The following PLBD2 variants were observed in gnomAD, a reference collection of about 807,000 sequenced individuals.
PLBD2 encodes putative aminopeptidase PLBD2.
In PLBD2, 51 loss-of-function variants were observed where a neutral mutation model predicts 68.3. That is an observed-to-expected ratio of 0.75 (90% CI 0.60 to 0.94). The LOEUF (loss-of-function observed/expected upper bound fraction) is 0.94, where lower values mean the gene tolerates loss of function less well. PLBD2 is among the 40% of genes least tolerant of loss of function. The pLI is 0.00. For missense variants in PLBD2, 729 were observed against 792.2 expected, an observed-to-expected ratio of 0.92 and a Z score of 0.96; for synonymous variants, 314 against 339.3, an observed-to-expected ratio of 0.93 and a Z score of 0.82.
chr12:113,362,725 G>C (rs1957306406), intron 1 of PLBD2, among the ~76,000 whole-genome samples: 2 of 151,714 alleles, frequency 1.3e-5, no homozygotes, highest in Admixed American at 1.3e-4. Context: ...TAAAAGATTG[G>C]CAATTTTAGA....
chr12:113,363,002 G>A (rs534225284), intron 1 of PLBD2, among the ~76,000 whole-genome samples: 1 of 151,054 alleles, frequency 6.6e-6, no homozygotes, highest in African/African-American at 2.4e-5. Context: ...CACCATGTTG[G>A]CCAGGCTGGT....
chr12:113,366,509 C>G (rs1030317609), intron 1 of PLBD2, among the ~76,000 whole-genome samples: 1 of 150,882 alleles, frequency 6.6e-6, no homozygotes, highest in African/African-American at 2.4e-5. Context: ...GAGGGTCATG[C>G]TCTGTCATCC....
chr12:113,361,393 G>A (rs1474057649), intron 1 of PLBD2, among the ~76,000 whole-genome samples: 1 of 139,384 alleles, frequency 7.2e-6, no homozygotes, highest in African/African-American at 2.7e-5. Context: ...AGGCTCGAGT[G>A]CAGTGGTATG....
rs750215599 is a variant in PLBD2 at position 113,369,195 on chromosome 12, G to A, written c.370G>A (p.Ala124Thr). ...CTATGCAGCCGGTGTGGTGGAGGCT[G>A]CTGTGTCGGAGGAGGTAAGGGCCAA... ...QAYAAGVVEA[A>T]VSEELIYMHW... Residue 124 changes from alanine to threonine, a missense_variant, in exon 2 of 12, where the codon GCT (alanine) becomes ACT (threonine). By Grantham distance (58) the Ala-to-Thr change is moderately conservative. Coordinates refer to ENST00000280800, the MANE Select transcript of PLBD2 (RefSeq NM_173542.4). 1.7e-5 allele frequency: 27 copies of A among 1,602,826 alleles called. No homozygotes were observed. Among genetic ancestry groups the A allele is most frequent in the Non-Finnish European group, 2.0e-5 (24 of 1,174,828 alleles).
intron 2 of PLBD2, among the ~76,000 whole-genome samples, chr12:113,371,819 T>A (rs987265398): frequency 3.3e-5 from 5 of 152,230 alleles, no homozygotes; most frequent in African/African-American, 1.2e-4. Flanking sequence ...GAGGCACCAT[T>A]CAACCTCAGC....
Position 113,387,058 on chromosome 12 carries a change from C to T in PLBD2, c.1408C>T (p.Gln470Ter), listed in dbSNP as rs1261741780. The change falls in exon 10 of 12, where the codon CAA becomes TAA. Residue 470 changes from glutamine to a stop codon, truncating the protein, a stop_gained. Transcript: ENST00000280800. LOFTEE classifies it high-confidence loss of function. ...QIFRRNQSLVQDMDSMVRLMR... is the reference protein window; with the variant it reads ...QIFRRNQSLV ...CTTCCGGCGGAACCAGTCACTGGTACAAGACATGGACTCCATGGTCAGGCT... is the reference window on the plus strand; with the variant it reads ...CTTCCGGCGGAACCAGTCACTGGTATAAGACATGGACTCCATGGTCAGGCT... 4.4e-6 allele frequency: 7 copies of T among 1,608,358 alleles called. No homozygotes were observed. Among genetic ancestry groups the T allele is most frequent in the Non-Finnish European group, 5.9e-6 (7 of 1,177,732 alleles).
Position 113,391,043 on chromosome 12 carries a change from T to TCC in PLBD2, c.*2417_*2418insCC, listed in dbSNP as rs1957606727. On this transcript the variant is annotated 3_prime_UTR_variant, in exon 12 of 12. Coordinates refer to ENST00000280800, the MANE Select transcript of PLBD2 (RefSeq NM_173542.4). ...ATTCATTCATATCCATCCATCCATC[T>TCC]ATCCATCCAGATGTTTATTGAGCAC... is the stretch of plus-strand genomic sequence containing the variant. 6.6e-6 allele frequency: 1 copy of TCC among 152,270 alleles called. No homozygotes were observed. Among genetic ancestry groups the TCC allele is most frequent in the African/African-American group, 2.4e-5 (1 of 41,462 alleles). 9.4% of individuals were successfully genotyped at this position (152,270 alleles called of 1,614,324 possible).
At position 113,388,558 on chromosome 12, in the gene PLBD2, A is replaced by G; in HGVS notation, c.1702A>G (p.Ser568Gly). 6.2e-7 allele frequency: 1 copy of G among 1,611,288 alleles called. No homozygotes were observed. Among genetic ancestry groups the G allele is most frequent in the Non-Finnish European group, 8.5e-7 (1 of 1,178,558 alleles). The change falls in exon 12 of 12, where the codon AGC becomes GGC. Residue 568 changes from serine to glycine, a missense_variant. Physicochemically the swap from Ser to Gly is moderately conservative, Grantham distance 56. Transcript: ENST00000280800. Reference sequence around the variant, plus strand: ...GTTCCAGTGGAGCACCTCGCCCTTCAGCGGCCTGCTGCACATGGGCCAGCC... The same window carrying G: ...GTTCCAGTGGAGCACCTCGCCCTTCGGCGGCCTGCTGCACATGGGCCAGCC... ...PPFQWSTSPFSGLLHMGQPDL... is the reference protein window; with the variant it reads ...PPFQWSTSPFGGLLHMGQPDL...
chr12:113,384,323 C>G lies in PLBD2; in HGVS notation c.1118+58C>G. The G allele has an allele frequency of 6.4e-7, 1 of 1,550,612 alleles. No individual in the cohort carries two copies. The highest frequency in any genetic ancestry group is 8.7e-7 in the Non-Finnish European group (1 of 1,145,370). ...GCACCAAGAGATAGACCAACCTCCC[C>G]TTTAACACTCACACTCCTGGGGACC... On this transcript the variant is annotated intron_variant, in intron 7 of 11. Coordinates refer to ENST00000280800, the MANE Select transcript of PLBD2 (RefSeq NM_173542.4). The surrounding 1 kb of genome is among the most constrained non-coding windows in gnomAD (Gnocchi z 4.2).
intron 6 of PLBD2, among the ~76,000 whole-genome samples, chr12:113,382,835 T>TTTTTTTTG (rs1335785271): frequency 2.6e-4 from 28 of 106,592 alleles, no homozygotes; most frequent in African/African-American, 8.8e-4. Context: ...TGGTGGTTTT[T>TTTTTTTTG]TGTGTGTGTG....
intron 1 of PLBD2, among the ~76,000 whole-genome samples, chr12:113,365,736 A>G (rs1339025472): frequency 6.6e-6 from 1 of 151,998 alleles, no homozygotes; most frequent in African/African-American, 2.4e-5. Flanking sequence ...GCTGGCCCCA[A>G]AGTACTTTGC....
Position 113,374,868 on chromosome 12 carries a change from C to T in PLBD2, c.720C>T (p.Gly240=). ...LNKTKIKPSL[G]SGSCSALIKL... ...AGACCAAGATCAAACCTTCTCTGGGCTCTGGCTCCTGTTCTGCCCTCATCA... is the reference window on the plus strand; with the variant it reads ...AGACCAAGATCAAACCTTCTCTGGGTTCTGGCTCCTGTTCTGCCCTCATCA... Residue 240 remains glycine, a synonymous_variant, in exon 5 of 12, where the codon GGC becomes GGT. Coordinates refer to ENST00000280800, the MANE Select transcript of PLBD2 (RefSeq NM_173542.4). 6.2e-7 allele frequency: 1 copy of T among 1,613,994 alleles called. No individual in the cohort carries two copies. Among genetic ancestry groups the T allele is most frequent in the Non-Finnish European group, 8.5e-7 (1 of 1,180,038 alleles).
chr12:113,388,646 T>C lies in PLBD2; in HGVS notation c.*20T>C, dbSNP rs1166993265. 3.2e-6 allele frequency: 5 copies of C among 1,544,368 alleles called. No individual in the cohort carries two copies. In the African/African-American group the frequency reaches 5.5e-5, roughly 17 times the overall value. ...GACTGAAGTTCTGTCCCTGCTCTGC[T>C]GCTTTCGCCCCTGCTGACCCTCGTC... is the stretch of plus-strand genomic sequence containing the variant. On this transcript the variant is annotated 3_prime_UTR_variant, in exon 12 of 12. Transcript: ENST00000280800.
chr12:113,373,820 C>G (rs924075085), intron 3 of PLBD2, among the ~76,000 whole-genome samples: 1 of 150,796 alleles, frequency 6.6e-6, no homozygotes, highest in Non-Finnish European at 1.5e-5. Context: ...TTCACACACC[C>G]GTCCATCCAT....
chr12:113,368,978 C>A, intron 1 of PLBD2, 138 bp from the exon 2 acceptor site: 1 of 575,290 alleles, frequency 1.7e-6, no homozygotes, highest in Non-Finnish European at 3.1e-6. Flanking sequence ...ATCCGGCAAG[C>A]TCACAAAGAT....
chr12:113,375,533 C>T (rs1435614388), intron 5 of PLBD2, among the ~76,000 whole-genome samples: 1 of 152,208 alleles, frequency 6.6e-6, no homozygotes, highest in African/African-American at 2.4e-5. Flanking sequence ...TTTAAAACAA[C>T]AACAGCTTAA....
At chr12:113,373,766 C>G (rs955088946) in intron 3 of PLBD2, among the ~76,000 whole-genome samples, 6 of 147,896 alleles carry the variant, frequency 4.1e-5, no homozygotes, top group East Asian at 2.1e-4. Context: ...CATTCGCTCA[C>G]TCACTCATCC....
Position 113,374,564 on chromosome 12 carries a change from T to A in PLBD2, c.634T>A (p.Leu212Met), listed in dbSNP as rs1262066243. ...AGCTGGGAAGTTCACCATCAAACCC[T>A]TGGGGTTCCTGTAAGTGCCACCCCC... ...FPAGKFTIKP[L>M]GFLLLQLSGD... The change falls in exon 4 of 12, where the codon TTG (leucine) becomes ATG (methionine). Residue 212 changes from leucine to methionine, a missense_variant. Physicochemically the swap from Leu to Met is conservative, Grantham distance 15. Transcript: ENST00000280800. 1.3e-6 allele frequency: 2 copies of A among 1,597,730 alleles called. No individual in the cohort carries two copies. The highest frequency in any genetic ancestry group is 2.7e-5 in the African/African-American group (2 of 74,736).
At position 113,358,612 on chromosome 12, in the gene PLBD2, G is replaced by C. The variant is rs952288810; in HGVS notation, c.12G>C (p.Gln4His). 4 of 1,470,724 alleles carry C rather than the reference G, an allele frequency of 2.7e-6. No individual in the cohort carries two copies. The highest frequency in any genetic ancestry group is 2.9e-5 in the African/African-American group (2 of 67,818). The allele number at this position is 1,470,724 out of a possible 1,614,324, so 91.1% of individuals were successfully genotyped here. Reference protein sequence around the residue: MVGQMYCYPGSHLA... With the variant: MVGHMYCYPGSHLA... ...AGCATTGTGCGGTCATGGTGGGCCA[G>C]ATGTACTGCTACCCCGGCAGCCACC... The change falls in exon 1 of 12, where the codon CAG becomes CAC. Residue 4 changes from glutamine (Q) to histidine (H), a missense_variant. By Grantham distance (24) the Gln-to-His change is conservative (BLOSUM62 0). Coordinates refer to ENST00000280800, the MANE Select transcript of PLBD2 (RefSeq NM_173542.4).
Sources: gnomAD v4.1 joint callset for allele counts (sites outside exome capture counted in the v4.1 genomes callset) on GRCh38, gnomAD v4.1.1 for gene constraint, Gnocchi (gnomAD v3.1) non-coding constraint, MANE v1.5 for transcripts, NCBI Gene and HGNC (gene_info 2026-07-23, HGNC 2026-07-21) for gene names.